TNFAIP2: variants seen among roughly 807,000 people sequenced by gnomAD.
TNFAIP2 encodes the protein TNF alpha induced protein 2.
A neutral mutation model predicts 63.5 loss-of-function variants in TNFAIP2; 47 were observed. That is an observed-to-expected ratio of 0.74 (90% CI 0.59 to 0.94). The LOEUF (loss-of-function observed/expected upper bound fraction) is 0.94, where lower values mean the gene tolerates loss of function less well. Among genes scored for constraint, TNFAIP2 ranks in the 40% least tolerant of loss-of-function variants. The pLI, the probability that TNFAIP2 is intolerant of heterozygous loss-of-function variation, is 0.00. For missense variants in TNFAIP2, 787 were observed against 850.2 expected, an observed-to-expected ratio of 0.93 and a Z score of 0.92; for synonymous variants, 405 against 390.2, an observed-to-expected ratio of 1.04 and a Z score of -0.45.
rs747316993 is a variant in TNFAIP2, at chr14:103,126,451, G to C, written c.-7G>C. 1.5e-5 allele frequency: 23 copies of C among 1,572,552 alleles called. No homozygotes were observed. The highest frequency in any genetic ancestry group is 2.0e-5 in the Non-Finnish European group (23 of 1,163,928). On this transcript the variant is annotated 5_prime_UTR_variant, in exon 2 of 12. Transcript: ENST00000560869. Reference sequence around the variant, plus strand: ...AGTCCACATCAGAGGCAGAGTCAGAGGCCTCCATGTCGGAGGCCTCCTCTG... The same window carrying C: ...AGTCCACATCAGAGGCAGAGTCAGACGCCTCCATGTCGGAGGCCTCCTCTG...
In TNFAIP2 at chr14:103,130,077, A is replaced by G. The variant is rs2087939452; in HGVS notation, c.1051A>G (p.Arg351Gly). ...CTGGGCTGAGGATGTGCCTCCCCAG[A>G]GGCTGGACGGCCACTGCCACAGCGA... Reference protein sequence around the residue: ...RRWAEDVPPQRLDGHCHSELA... With the variant: ...RRWAEDVPPQGLDGHCHSELA... Residue 351 changes from arginine to glycine, a missense_variant, in exon 5 of 12, where the codon AGG becomes GGG. Physicochemically the swap from Arg to Gly is moderately radical, Grantham distance 125. Transcript: ENST00000560869. 3 of 1,613,240 alleles carry G rather than the reference A, an allele frequency of 1.9e-6. No individual in the cohort carries two copies. The highest frequency in any genetic ancestry group is 2.7e-5 in the African/African-American group (2 of 74,866).
chr14:103,128,135 G>A lies in TNFAIP2; in HGVS notation c.860+506G>A, dbSNP rs896354278. Among the ~76,000 whole-genome samples, 6 of 152,210 alleles carry A rather than the reference G, an allele frequency of 3.9e-5. No homozygotes were observed. The South Asian group carries it at 1.0e-3, about 26-fold the overall frequency. ...AGGGAATCAGGCCAGGAGGCAGGAG[G>A]AGGGGTGATAGGGCAGGTAGGGGAG... is the stretch of plus-strand genomic sequence containing the variant. On this transcript the variant is annotated intron_variant, in intron 3 of 11. Coordinates refer to ENST00000560869, the MANE Select transcript of TNFAIP2 (RefSeq NM_006291.4).
At chr14:103,130,850 T>C (rs2087957591) in intron 6 of TNFAIP2, among the ~76,000 whole-genome samples, 1 of 152,182 alleles carries the variant, frequency 6.6e-6, no homozygotes, top group African/African-American at 2.4e-5. Flanking sequence ...GCAGCAGAGA[T>C]GGGCTGGTAC....
Position 103,127,471 on chromosome 14 carries a change from G to A in TNFAIP2, c.702G>A (p.Arg234=), listed in dbSNP as rs1370816177. The change falls in exon 3 of 12, where the codon CGG becomes CGA. Residue 234 remains arginine (R), a synonymous_variant. Coordinates refer to ENST00000560869, the MANE Select transcript of TNFAIP2 (RefSeq NM_006291.4). This position sits in a 1 kb window ranked among gnomAD's most constrained non-coding sequence, Gnocchi z 5.1. ...MKEDLEAVVE[R]LKPLFPAEFG... ...AGGACCTGGAGGCCGTGGTGGAGCG[G>A]CTGAAGCCGCTGTTCCCCGCCGAGT... The A allele has an allele frequency of 1.3e-6, 2 of 1,586,152 alleles. No individual in the cohort carries two copies. Among genetic ancestry groups the A allele is most frequent in the East Asian group, 2.3e-5 (1 of 44,146 alleles).
upstream of TNFAIP2, chr14:103,122,664 T>C (rs895819741): frequency 2.9e-5 from 13 of 455,878 alleles, no homozygotes; most frequent in Admixed American, 7.0e-5. Context: ...CTGCGCTGAA[T>C]GGGCAAAGCC....
chr14:103,121,859 C>G (rs1055492913), upstream of TNFAIP2, among the ~76,000 whole-genome samples: 2 of 126,534 alleles, frequency 1.6e-5, no homozygotes, highest in East Asian at 5.0e-4. Context: ...AGCAATTTCC[C>G]GATCTGCTTG....
Position 103,130,363 on chromosome 14 carries a change from G to T in TNFAIP2, c.1147G>T (p.Gly383Cys). ...AKAESITLDL[G>C]SQIKRVLLVE... ...GGCCGAGAGCATCACGCTGGACTTG[G>T]GCTCACAGATAAAGCGGGTGCTGCT... Residue 383 changes from glycine to cysteine, a missense_variant, in exon 6 of 12, where the codon GGC becomes TGC. Gly to Cys is a radical substitution (Grantham distance 159, BLOSUM62 -3). Around this residue, in one of 3 missense-constraint regions of TNFAIP2, gnomAD observed 523 missense variants for 604.1 expected, o/e 0.87. Transcript: ENST00000560869. 6.4e-7 allele frequency: 1 copy of T among 1,570,468 alleles called. No individual in the cohort carries two copies. The highest frequency in any genetic ancestry group is 2.3e-5 in the East Asian group (1 of 42,768).
In TNFAIP2 at chr14:103,135,751, G is replaced by A; in HGVS notation, c.*391G>A. The A allele has an allele frequency of 2.0e-5, 25 of 1,271,878 alleles. No individual in the cohort carries two copies. The highest frequency in any genetic ancestry group is 2.5e-5 in the Non-Finnish European group (25 of 983,172). The allele number at this position is 1,271,878 out of a possible 1,614,324, so 78.8% of individuals were successfully genotyped here. On this transcript the variant is annotated 3_prime_UTR_variant, in exon 12 of 12. Coordinates refer to ENST00000560869, the MANE Select transcript of TNFAIP2 (RefSeq NM_006291.4). The surrounding 1 kb of genome is among the most constrained non-coding windows in gnomAD (Gnocchi z 7.6). ...CTGTCCTCCTCGTGGGTGGGGCCGAGGGCCCTCTTCAGCTCTCTGGAGACA... is the reference window on the plus strand; with the variant it reads ...CTGTCCTCCTCGTGGGTGGGGCCGAAGGCCCTCTTCAGCTCTCTGGAGACA...
chr14:103,131,291 T>TGCAGCA lies in TNFAIP2; in HGVS notation c.1298+151_1298+156dup. 1 of 886,264 alleles carries TGCAGCA rather than the reference T, an allele frequency of 1.1e-6. No homozygotes were observed. Among genetic ancestry groups the TGCAGCA allele is most frequent in the Admixed American group, 2.2e-5 (1 of 45,222 alleles). The allele number at this position is 886,264 out of a possible 1,614,324, so 54.9% of individuals were successfully genotyped here. ...CAACATGTGTGAGGACTCCACGGCCTGCAGCAGCAGCAGCAAACATTTCCC... is the reference window on the plus strand; with the variant it reads ...CAACATGTGTGAGGACTCCACGGCCTGCAGCAGCAGCAGCAGCAGCAAACATTTCCC... On this transcript the variant is annotated intron_variant, in intron 7 of 11. Transcript: ENST00000560869. This position sits in a 1 kb window ranked among gnomAD's most constrained non-coding sequence, Gnocchi z 4.0.
chr14:103,127,235 G>C lies in TNFAIP2; in HGVS notation c.466G>C (p.Ala156Pro), dbSNP rs111460074. Reference sequence around the variant, plus strand: ...GCCCGAGCGGCTGCGCCAGGCGCTGGCCGTGGTGGCGGAGCAGGAGCGCGA... The same window carrying C: ...GCCCGAGCGGCTGCGCCAGGCGCTGCCCGTGGTGGCGGAGCAGGAGCGCGA... ...APPERLRQAL[A>P]VVAEQEREDR... The change falls in exon 3 of 12, where the codon GCC (alanine) becomes CCC (proline). Residue 156 changes from alanine (A) to proline (P), a missense_variant. Ala to Pro is a conservative substitution (Grantham distance 27). This residue lies in a region of TNFAIP2 where 258 missense variants were observed against 228.9 expected (regional missense o/e 1.13). Coordinates refer to ENST00000560869, the MANE Select transcript of TNFAIP2 (RefSeq NM_006291.4). This position sits in a 1 kb window ranked among gnomAD's most constrained non-coding sequence, Gnocchi z 5.1. The C allele has an allele frequency of 9.3e-7, 1 of 1,075,478 alleles. No individual in the cohort carries two copies. The highest frequency in any genetic ancestry group is 1.7e-5 in the African/African-American group (1 of 57,732). The allele number at this position is 1,075,478 out of a possible 1,614,324, so 66.6% of individuals were successfully genotyped here.
chr14:103,123,006 C>G (rs1891169983), upstream of TNFAIP2: 1 of 347,680 alleles, frequency 2.9e-6, no homozygotes, highest in Non-Finnish European at 5.8e-6. Flanking sequence ...TCCCCTGCCT[C>G]CTTGTGGCCA....
chr14:103,131,229 A>G lies in TNFAIP2; in HGVS notation c.1298+79A>G. The G allele has an allele frequency of 6.8e-7, 1 of 1,465,298 alleles. No individual in the cohort carries two copies. Among genetic ancestry groups the G allele is most frequent in the East Asian group, 2.3e-5 (1 of 44,032 alleles). 90.8% of individuals were successfully genotyped at this position (1,465,298 alleles called of 1,614,324 possible). A position where few individuals can be genotyped will look rare whatever the true frequency, so the allele number is the denominator to read the frequency against. ...AGGGGAGCTGGAAGGTGGAGGGAGG[A>G]GGAGCTGCTTAGGCCAAGAAGTGGA... On this transcript the variant is annotated intron_variant, in intron 7 of 11. Coordinates refer to ENST00000560869, the MANE Select transcript of TNFAIP2 (RefSeq NM_006291.4). The surrounding 1 kb of genome is among the most constrained non-coding windows in gnomAD (Gnocchi z 4.0).
At chr14:103,123,025 C>T, upstream of TNFAIP2, 1 of 343,258 alleles carries the variant, frequency 2.9e-6, no homozygotes, top group South Asian at 2.1e-5. Context: ...CACGGTGACA[C>T]CGGAACACTT....
chr14:103,133,649 C>A (rs1032041314), intron 10 of TNFAIP2, 33 bp from the exon 11 acceptor site: 34 of 1,549,916 alleles, frequency 2.2e-5, no homozygotes, highest in Non-Finnish European at 3.0e-5. Flanking sequence ...CCTCTGGACC[C>A]CTGGGTCCCT....
chr14:103,136,060 G>A lies in TNFAIP2; in HGVS notation c.*700G>A. The A allele has an allele frequency of 8.1e-7, 1 of 1,238,510 alleles. No homozygotes were observed. 76.7% of individuals were successfully genotyped at this position (1,238,510 alleles called of 1,614,324 possible). The stretch of plus-strand genomic sequence containing the variant: ...TAGAGGGTGGTCCCCCGAGGGCTTG[G>A]TGTCTACTACCGAAGGGCCCAAGAC... On this transcript the variant is annotated 3_prime_UTR_variant, in exon 12 of 12. Coordinates refer to ENST00000560869, the MANE Select transcript of TNFAIP2 (RefSeq NM_006291.4).
At position 103,127,085 on chromosome 14, in the gene TNFAIP2, G is replaced by A. The variant is rs1176849169; in HGVS notation, c.316G>A (p.Ala106Thr). 3 of 1,103,740 alleles carry A rather than the reference G, an allele frequency of 2.7e-6. No homozygotes were observed. Among genetic ancestry groups the A allele is most frequent in the Non-Finnish European group, 2.2e-6 (2 of 906,760 alleles). The allele number at this position is 1,103,740 out of a possible 1,614,324, so 68.4% of individuals were successfully genotyped here. Residue 106 changes from alanine to threonine, a missense_variant, in exon 3 of 12, where the codon GCG becomes ACG. Ala to Thr is a moderately conservative substitution (Grantham distance 58). Transcript: ENST00000560869. This position sits in a 1 kb window ranked among gnomAD's most constrained non-coding sequence, Gnocchi z 5.1. ...PLLALERELA[A>T]AAAAGGVSEE... Reference sequence around the variant, plus strand: ...GCTGGCGCTGGAGCGGGAGCTGGCGGCGGCGGCGGCGGCGGGCGGTGTGAG... The same window carrying A: ...GCTGGCGCTGGAGCGGGAGCTGGCGACGGCGGCGGCGGCGGGCGGTGTGAG...
Position 103,131,864 on chromosome 14 carries a change from G to A in TNFAIP2, c.1422+102G>A. ...GGAGTGGCAGAAGCAAAGATGTGGG[G>A]AAGACACGCTCCAGGCCTGTGGACG... On this transcript the variant is annotated intron_variant, in intron 8 of 11. Transcript: ENST00000560869. This position sits in a 1 kb window ranked among gnomAD's most constrained non-coding sequence, Gnocchi z 4.0. 6.8e-7 allele frequency: 1 copy of A among 1,472,474 alleles called. No individual in the cohort carries two copies. The highest frequency in any genetic ancestry group is 1.3e-5 in the South Asian group (1 of 76,970). The allele number at this position is 1,472,474 out of a possible 1,614,324, so 91.2% of individuals were successfully genotyped here.
chr14:103,135,384 T>C lies in TNFAIP2; in HGVS notation c.*24T>C, dbSNP rs778963588. 2 of 1,580,732 alleles carry C rather than the reference T, an allele frequency of 1.3e-6. No homozygotes were observed. The highest frequency in any genetic ancestry group is 1.2e-5 in the South Asian group (1 of 85,450). On this transcript the variant is annotated 3_prime_UTR_variant, in exon 12 of 12. Transcript: ENST00000560869. The surrounding 1 kb of genome is among the most constrained non-coding windows in gnomAD (Gnocchi z 7.6). ...AGCTTTTCCTGTGGCCTGACCTGCC[T>C]GTGAGTGCCCAGCAAGCCTTGGGCA...
chr14:103,127,045 G>C lies in TNFAIP2; in HGVS notation c.276G>C (p.Glu92Asp). ...LKAALERGQL[E>D]AARPLLALER... ...CGGCGCTGGAGCGCGGGCAGCTGGA[G>C]GCGGCGCGGCCGCTGCTGGCGCTGG... Residue 92 changes from glutamate (E) to aspartate (D), a missense_variant, in exon 3 of 12, where the codon GAG (glutamate) becomes GAC (aspartate). Coordinates refer to ENST00000560869, the MANE Select transcript of TNFAIP2 (RefSeq NM_006291.4). The surrounding 1 kb of genome is among the most constrained non-coding windows in gnomAD (Gnocchi z 5.1). The C allele has an allele frequency of 8.7e-7, 1 of 1,154,610 alleles. No individual in the cohort carries two copies. The highest frequency in any genetic ancestry group is 1.1e-6 in the Non-Finnish European group (1 of 937,750). 71.5% of individuals were successfully genotyped at this position (1,154,610 alleles called of 1,614,324 possible). A position where few individuals can be genotyped will look rare whatever the true frequency, so the allele number is the denominator to read the frequency against.
Sources: allele counts gnomAD v4.1 joint callset (sites outside exome capture counted in the v4.1 genomes callset), GRCh38; gene constraint gnomAD v4.1.1; regional missense constraint gnomAD v4.1.1; non-coding constraint Gnocchi (gnomAD v3.1); transcripts MANE v1.5; gene names NCBI Gene and HGNC (gene_info 2026-07-23, HGNC 2026-07-21).